The following HMGN5 variants were observed in gnomAD, a reference collection of about 807,000 sequenced individuals.
HMGN5 encodes the protein high mobility group nucleosome-binding domain-containing protein 5.
In HMGN5, 4 loss-of-function variants were observed where a neutral mutation model predicts 9.5. The observed-to-expected ratio is 0.42, with a 90% CI of 0.21 to 0.96. The LOEUF (loss-of-function observed/expected upper bound fraction) is 0.96, where lower values mean the gene tolerates loss of function less well. HMGN5 is among the 40% of genes least tolerant of loss of function. The probability of loss-of-function intolerance (pLI) is 0.30; values close to 1 mark genes in which losing one functional copy is unlikely to be tolerated. For synonymous variants in HMGN5, 55 were observed against 57.1 expected (o/e 0.96, Z 0.16); for missense variants, 192 against 187.5 (o/e 1.02, Z -0.14).
intron 1 of HMGN5, among the ~76,000 whole-genome samples, chrX:81,164,589 GTCTC>G (rs1212259918): frequency 3.6e-5 from 4 of 111,229 alleles, no homozygotes; most frequent in Admixed American, 1.9e-4. Context: ...CAAGGTCAAT[GTCTC>G]TCTAATTTCT....
chrX:81,180,149 G>T (rs761944573), intron 1 of HMGN5, among the ~76,000 whole-genome samples: 10 of 111,412 alleles, frequency 9.0e-5, no homozygotes, highest in African/African-American at 2.0e-4. Flanking sequence ...ATGGGCAAGG[G>T]CTTCATGTCT....
chrX:81,147,717 G>A (rs1274603720), intron 1 of HMGN5, among the ~76,000 whole-genome samples: 1 of 111,806 alleles, frequency 8.9e-6, no homozygotes, highest in Non-Finnish European at 1.9e-5. Flanking sequence ...TGACAAGATT[G>A]TATATTTAGA....
At chrX:81,194,842 G>A (rs761207130) in intron 1 of HMGN5, among the ~76,000 whole-genome samples, 5 of 111,956 alleles carry the variant, frequency 4.5e-5, no homozygotes, top group Admixed American at 9.5e-5. Context: ...TAGAATCAAA[G>A]AAACATGAAA....
chrX:81,163,572 C>T (rs977756061), intron 1 of HMGN5, among the ~76,000 whole-genome samples: 1 of 111,742 alleles, frequency 8.9e-6, no homozygotes. Context: ...ATATAGAAAA[C>T]TCACTACTGC....
intron 1 of HMGN5, among the ~76,000 whole-genome samples, chrX:81,162,979 G>T (rs185856762): frequency 9.0e-6 from 1 of 111,252 alleles, no homozygotes; most frequent in Non-Finnish European, 1.9e-5. Context: ...ATCAAGAAAT[G>T]GGGTCTGCGT....
At chrX:81,135,130 C>G (rs2147549412) in intron 1 of HMGN5, among the ~76,000 whole-genome samples, 1 of 111,572 alleles carries the variant, frequency 9.0e-6, no homozygotes, top group South Asian at 3.7e-4. Flanking sequence ...AATTGGACTT[C>G]ATCGATTTTA....
At chrX:81,176,028 C>T (rs1432341163) in intron 1 of HMGN5, among the ~76,000 whole-genome samples, 3 of 111,270 alleles carry the variant, frequency 2.7e-5, no homozygotes, top group East Asian at 2.8e-4. Flanking sequence ...CAGTAGGGGC[C>T]GACAGACACC....
intron 1 of HMGN5, among the ~76,000 whole-genome samples, chrX:81,140,277 A>C (rs768965576): frequency 4.5e-5 from 5 of 111,498 alleles, no homozygotes; most frequent in Non-Finnish European, 9.4e-5. Flanking sequence ...GGAAGGACTC[A>C]GGGCCGCGTG....
chrX:81,140,737 T>A (rs1357853813), intron 1 of HMGN5, among the ~76,000 whole-genome samples: 1 of 110,927 alleles, frequency 9.0e-6, no homozygotes, highest in African/African-American at 3.3e-5. Context: ...TGACCAGCTC[T>A]GGTGGATACA....
chrX:81,141,474 G>GAGAGAGAGAGAGAGAGAGAGAGAGAA (rs2075329367), intron 1 of HMGN5, among the ~76,000 whole-genome samples: 1 of 109,227 alleles, frequency 9.2e-6, no homozygotes, highest in South Asian at 4.0e-4. Context: ...GAGAGAGAGA[G>GAGAGAGAGAGAGAGAGAGAGAGAGAA]AGAGAGAGAG....
At chrX:81,147,064 G>T (rs1314637167) in intron 1 of HMGN5, among the ~76,000 whole-genome samples, 1 of 111,670 alleles carries the variant, frequency 9.0e-6, no homozygotes, top group Non-Finnish European at 1.9e-5. Context: ...AATTCTACTA[G>T]AGGTACAAAG....
At chrX:81,115,658 TGA>T (rs2075251265) in intron 6 of HMGN5, among the ~76,000 whole-genome samples, 1 of 112,094 alleles carries the variant, frequency 8.9e-6, no homozygotes, top group African/African-American at 3.2e-5. Flanking sequence ...AAAAATTACT[TGA>T]AAAGTACTGT....
intron 1 of HMGN5, among the ~76,000 whole-genome samples, chrX:81,174,014 T>C (rs1057514611): frequency 8.9e-6 from 1 of 111,849 alleles, no homozygotes; most frequent in Admixed American, 9.5e-5. Context: ...TCCATAAAGT[T>C]AGAAATTTTT....
intron 1 of HMGN5, among the ~76,000 whole-genome samples, chrX:81,168,801 T>C (rs763996400): frequency 1.4e-4 from 16 of 111,842 alleles, no homozygotes; most frequent in Admixed American, 2.9e-4. Flanking sequence ...TATAAATTAA[T>C]TGGGGAGAAG....
At chrX:81,169,395 T>C (rs997984401) in intron 1 of HMGN5, among the ~76,000 whole-genome samples, 1 of 111,938 alleles carries the variant, frequency 8.9e-6, no homozygotes, top group East Asian at 2.8e-4. Context: ...TAATAAAAGT[T>C]GTAGGGGATA....
chrX:81,201,453 C>A (rs1157216585), intron 1 of HMGN5, among the ~76,000 whole-genome samples: 1 of 111,775 alleles, frequency 8.9e-6, no homozygotes, highest in Non-Finnish European at 1.9e-5. Context: ...TATTTTCAAT[C>A]TTTTCTTTGT....
At chrX:81,142,307 T>C (rs1427394970) in intron 1 of HMGN5, among the ~76,000 whole-genome samples, 1 of 111,531 alleles carries the variant, frequency 9.0e-6, no homozygotes, top group Non-Finnish European at 1.9e-5. Flanking sequence ...TTCAAAGGGA[T>C]AATATCATAG....
chrX:81,115,865 C>G (rs1264852210), intron 6 of HMGN5, among the ~76,000 whole-genome samples: 2 of 111,546 alleles, frequency 1.8e-5, no homozygotes, highest in Non-Finnish European at 3.8e-5. Context: ...ATAAAAGAAT[C>G]ATAAATTCTG....
chrX:81,173,240 T>A (rs1261316288), intron 1 of HMGN5, among the ~76,000 whole-genome samples: 3 of 111,129 alleles, frequency 2.7e-5, no homozygotes, highest in Non-Finnish European at 5.7e-5. Flanking sequence ...ATGAGAAGGT[T>A]TCAGGATACA....
Sources: allele counts gnomAD v4.1 joint callset (sites outside exome capture counted in the v4.1 genomes callset), GRCh38; gene constraint gnomAD v4.1.1; transcripts MANE v1.5; gene names NCBI Gene and HGNC (gene_info 2026-07-23, HGNC 2026-07-21).